Variants in TAFA5 observed in about 807,000 individuals in gnomAD.
TAFA5 encodes the protein chemokine-like protein TAFA-5.
Under a neutral mutation model 15.3 loss-of-function variants are expected in TAFA5, and 6 were observed. The ratio of observed to expected loss-of-function variants is 0.39; its 90% confidence interval spans 0.21 to 0.77. The LOEUF is 0.77. TAFA5 is among the 30% of genes least tolerant of loss of function. TAFA5 has a pLI of 0.41. For missense variants in TAFA5, 161 were observed against 193.1 expected (o/e 0.83, Z 0.98); for synonymous variants, 103 against 80.7 (o/e 1.28, Z -1.48).
intron 2 of TAFA5, among the ~76,000 whole-genome samples, chr22:48,669,904 C>T (rs1483113893): frequency 6.6e-6 from 1 of 152,244 alleles, no homozygotes; most frequent in East Asian, 1.9e-4. Flanking sequence ...GGCTGTGCTG[C>T]CTCCCGCCTG....
rs776108663 is a variant in TAFA5, at chr22:48,557,033, G to T, written c.112+67329G>T. On this transcript the variant is annotated intron_variant, in intron 1 of 3. Transcript: ENST00000402357. ...GCCGGGCCTGGCGTGGTCACCAGGG[G>T]CACCCACCGTTGGGAGGCCCGCAGG... Among the ~76,000 whole-genome samples, 7 of 152,314 alleles carry T rather than the reference G, an allele frequency of 4.6e-5. No homozygotes were observed. The East Asian group carries it at 1.4e-3, about 30-fold the overall frequency.
chr22:48,615,841 C>T (rs551513292), intron 1 of TAFA5, among the ~76,000 whole-genome samples: 3 of 152,336 alleles, frequency 2.0e-5, no homozygotes, highest in African/African-American at 7.2e-5. Context: ...AGCCAGCCCT[C>T]TCTGCATTGC....
chr22:48,685,951 C>T (rs958533317), intron 2 of TAFA5, among the ~76,000 whole-genome samples: 10 of 135,172 alleles, frequency 7.4e-5, no homozygotes, highest in South Asian at 2.1e-4. Context: ...ACAGGCCCCA[C>T]GTGCGCCCCG....
chr22:48,578,630 G>T lies in TAFA5; in HGVS notation c.113-67967G>T, dbSNP rs114289595. 4.4e-3 allele frequency among the ~76,000 whole-genome samples: 673 copies of T among 152,352 alleles called. 6 individuals are homozygous for T. Among genetic ancestry groups the T allele is most frequent in the African/African-American group, 0.016 (648 of 41,584 alleles). ...GTACGCTGAGGGCACAGGTACCTTT[G>T]GAGGAGCGATTGCGGGTCCCAGTGT... On this transcript the variant is annotated intron_variant, in intron 1 of 3. Coordinates refer to ENST00000402357, the MANE Select transcript of TAFA5 (RefSeq NM_001082967.3).
rs762108668 is a variant in TAFA5, at chr22:48,646,703, G to A, written c.219G>A (p.Gly73=). ...CCGCCCGCTGTGCGTGTAGAAAGGG[G>A]CAGATCGCCGGCACCACGAGAGCCC... ...RQTARCACRK[G]QIAGTTRARP... is the part of the protein sequence containing the mutation. The change falls in exon 2 of 4, where the codon GGG becomes GGA. Residue 73 remains glycine, a synonymous_variant. Coordinates refer to ENST00000402357, the MANE Select transcript of TAFA5 (RefSeq NM_001082967.3). 3.1e-6 allele frequency: 5 copies of A among 1,604,524 alleles called. No homozygotes were observed. Among genetic ancestry groups the A allele is most frequent in the Middle Eastern group, 1.7e-4 (1 of 6,036 alleles).
rs369330295 is a variant in TAFA5, at chr22:48,566,319, G to A, written c.112+76615G>A. Among the ~76,000 whole-genome samples, 1 of 151,392 alleles carries A rather than the reference G, an allele frequency of 6.6e-6. No individual in the cohort carries two copies. Among genetic ancestry groups the A allele is most frequent in the African/African-American group, 2.4e-5 (1 of 41,156 alleles). ...ATGGATGGATGATGGATAGATGGAT[G>A]GATGGACGATGGGTGGATGATGAAT... is the stretch of plus-strand genomic sequence containing the variant. On this transcript the variant is annotated intron_variant, in intron 1 of 3. Transcript: ENST00000402357. The surrounding 1 kb of genome is among the most constrained non-coding windows in gnomAD (Gnocchi z 4.5).
intron 2 of TAFA5, 22 bp from the exon 3 acceptor site, chr22:48,707,695 G>C: frequency 6.2e-7 from 1 of 1,613,090 alleles, no homozygotes; most frequent in Non-Finnish European, 8.5e-7. Context: ...CACGCTGATT[G>C]CCTCTCTCTT....
At chr22:48,700,954 C>G (rs1430004781) in intron 2 of TAFA5, among the ~76,000 whole-genome samples, 1 of 152,182 alleles carries the variant, frequency 6.6e-6, no homozygotes, top group Non-Finnish European at 1.5e-5. Context: ...GCTGAGAACC[C>G]CACTCAGCTG....
chr22:48,537,113 C>T (rs940164265), intron 1 of TAFA5, among the ~76,000 whole-genome samples: 3 of 151,952 alleles, frequency 2.0e-5, no homozygotes, highest in Admixed American at 6.5e-5. Context: ...GGGGAGGTCC[C>T]GCTGACTTGA....
intron 3 of TAFA5, among the ~76,000 whole-genome samples, chr22:48,732,210 G>A (rs1022102055): frequency 2.6e-5 from 4 of 152,154 alleles, no homozygotes; most frequent in South Asian, 4.1e-4. Flanking sequence ...GAACGGATGG[G>A]GAGGTACTTC....
At chr22:48,726,843 G>T (rs1315681455) in intron 3 of TAFA5, among the ~76,000 whole-genome samples, 2 of 152,196 alleles carry the variant, frequency 1.3e-5, no homozygotes, top group South Asian at 2.1e-4. Context: ...TTCAACCCCG[G>T]ATCTGGAGCC....
At chr22:48,610,192 C>A (rs973220770) in intron 1 of TAFA5, among the ~76,000 whole-genome samples, 1 of 152,128 alleles carries the variant, frequency 6.6e-6, no homozygotes, top group African/African-American at 2.4e-5. Flanking sequence ...CCGTGGCCCC[C>A]GAGAAGGGCC....
At chr22:48,509,906 A>G (rs1177756530) in intron 1 of TAFA5, among the ~76,000 whole-genome samples, 3 of 150,886 alleles carry the variant, frequency 2.0e-5, no homozygotes, top group Non-Finnish European at 3.0e-5. Context: ...AGCTGAGATC[A>G]CGCCACTGCA....
intron 2 of TAFA5, among the ~76,000 whole-genome samples, chr22:48,677,308 C>A (rs1928006514): frequency 6.6e-6 from 1 of 152,262 alleles, no homozygotes; most frequent in East Asian, 1.9e-4. Flanking sequence ...GCTCCCGACA[C>A]CTTTGGTCAT....
chr22:48,657,265 C>T (rs1419384547), intron 2 of TAFA5, among the ~76,000 whole-genome samples: 2 of 152,196 alleles, frequency 1.3e-5, no homozygotes, highest in Non-Finnish European at 2.9e-5. Context: ...TATGCCAATA[C>T]AGTAGATAGT....
chr22:48,608,835 G>A lies in TAFA5; in HGVS notation c.113-37762G>A, dbSNP rs77668485. Among the ~76,000 whole-genome samples the A allele has an allele frequency of 9.2e-3, 1,408 of 152,316 alleles. 51 individuals are homozygous for A. The East Asian group carries it at 0.13, about 14-fold the overall frequency. On this transcript the variant is annotated intron_variant, in intron 1 of 3. Coordinates refer to ENST00000402357, the MANE Select transcript of TAFA5 (RefSeq NM_001082967.3). ...AACAGAGGGCAGGCACCCGACGCTC[G>A]GGAGCTCTGTGCCCCATGGCAAAGC...
At chr22:48,633,523 T>TCA (rs1926315427) in intron 1 of TAFA5, among the ~76,000 whole-genome samples, 2 of 84,610 alleles carry the variant, frequency 2.4e-5, no homozygotes, top group Non-Finnish European at 4.4e-5. Context: ...TCTGTCTGTC[T>TCA]GTCTGTCTGT....
rs949690268 is a variant in TAFA5 at position 48,533,285 on chromosome 22, G to A, written c.112+43581G>A. On this transcript the variant is annotated intron_variant, in intron 1 of 3. Transcript: ENST00000402357. Reference sequence around the variant, plus strand: ...CTCCCGTTAGGTGTGAGGGGGAGGGGTGCAGCCGTCAAACCTTTGGCTCTC... The same window carrying A: ...CTCCCGTTAGGTGTGAGGGGGAGGGATGCAGCCGTCAAACCTTTGGCTCTC... Among the ~76,000 whole-genome samples, 23 of 152,178 alleles carry A rather than the reference G, an allele frequency of 1.5e-4. 1 individual carries two copies. Among genetic ancestry groups the A allele is most frequent in the Admixed American group, 1.4e-3 (22 of 15,290 alleles).
chr22:48,560,945 C>CTG lies in TAFA5; in HGVS notation c.112+71248_112+71249dup, dbSNP rs938866037. ...CTTTAAAGTGGCTTTTGTTTGGCTC[C>CTG]TGTGTGTGAGCAGTTCTCATCCTGT... On this transcript the variant is annotated intron_variant, in intron 1 of 3. Transcript: ENST00000402357. The surrounding 1 kb of genome is among the most constrained non-coding windows in gnomAD (Gnocchi z 4.2). 3.9e-5 allele frequency among the ~76,000 whole-genome samples: 6 copies of CTG among 152,126 alleles called. No homozygotes were observed. The highest frequency in any genetic ancestry group is 1.4e-4 in the African/African-American group (6 of 41,404).
Sources: allele counts gnomAD v4.1 joint callset (sites outside exome capture counted in the v4.1 genomes callset), GRCh38; gene constraint gnomAD v4.1.1; non-coding constraint Gnocchi (gnomAD v3.1); transcripts MANE v1.5; gene names NCBI Gene and HGNC (gene_info 2026-07-23, HGNC 2026-07-21).